Variants in FRMD3 observed in about 807,000 individuals in gnomAD.
The protein encoded by FRMD3 is FERM domain containing 3, also known as FERM domain-containing protein 3.
FRMD3 carries 33 observed loss-of-function variants against 70.2 expected under a neutral mutation model. The observed-to-expected ratio is 0.47, with a 90% CI of 0.36 to 0.63. FRMD3 has a LOEUF of 0.63. Ranked by LOEUF, FRMD3 falls within the 20% of genes least tolerant of loss-of-function variation. The pLI is 0.00. For synonymous variants in FRMD3, 279 were observed against 255.9 expected (o/e 1.09, Z -0.86); for missense variants, 632 against 711.4 (o/e 0.89, Z 1.27).
intron 12 of FRMD3, among the ~76,000 whole-genome samples, chr9:83,294,444 T>G (rs542157874): frequency 5.9e-5 from 9 of 152,196 alleles, no homozygotes; most frequent in Non-Finnish European, 1.2e-4. Context: ...CTCTTTAAAC[T>G]TTTTAAAGGT....
chr9:83,413,093 C>T (rs1047075191), intron 1 of FRMD3, among the ~76,000 whole-genome samples: 1 of 152,104 alleles, frequency 6.6e-6, no homozygotes, highest in African/African-American at 2.4e-5. Flanking sequence ...GGAAGATATT[C>T]TTCACTATTT....
intron 1 of FRMD3, among the ~76,000 whole-genome samples, chr9:83,487,064 G>T (rs1205778497): frequency 2.0e-5 from 3 of 152,174 alleles, no homozygotes; most frequent in South Asian, 4.1e-4. Flanking sequence ...ATGGCAAATA[G>T]CATTATTTCC....
intron 10 of FRMD3, among the ~76,000 whole-genome samples, chr9:83,308,472 A>C (rs1347121029): frequency 6.6e-6 from 1 of 152,094 alleles, no homozygotes; most frequent in Non-Finnish European, 1.5e-5. Context: ...AGATGAGTCT[A>C]ATCAGGAAGA....
At chr9:83,523,236 A>G (rs956516336) in intron 1 of FRMD3, among the ~76,000 whole-genome samples, 4 of 152,026 alleles carry the variant, frequency 2.6e-5, no homozygotes, top group Non-Finnish European at 4.4e-5. Context: ...GAGTGGATGG[A>G]AGAGTGGATG....
intron 1 of FRMD3, among the ~76,000 whole-genome samples, chr9:83,443,296 C>A (rs559460233): frequency 1.3e-5 from 2 of 152,302 alleles, no homozygotes; most frequent in South Asian, 2.1e-4. Context: ...CCCTACGCCC[C>A]CACTCCACAA....
At chr9:83,403,488 T>C (rs146799359) in intron 1 of FRMD3, among the ~76,000 whole-genome samples, 1,619 of 152,180 alleles carry the variant, frequency 0.011, 31 homozygotes, top group African/African-American at 0.036. Context: ...CTTGCCTAGG[T>C]AGGATCCTGA....
intron 1 of FRMD3, among the ~76,000 whole-genome samples, chr9:83,452,974 C>A (rs764250270): frequency 3.3e-5 from 5 of 151,294 alleles, no homozygotes; most frequent in Admixed American, 2.0e-4. Flanking sequence ...CTTGCCTCAG[C>A]CTCTTGAGTA....
chr9:83,547,237 T>C, the FRMD3 span, among the ~76,000 whole-genome samples: 4 of 148,824 alleles, frequency 2.7e-5, no homozygotes, highest in Admixed American at 6.7e-5. Context: ...TAGTTATATA[T>C]AATGATCATA....
intron 13 of FRMD3, among the ~76,000 whole-genome samples, chr9:83,284,337 C>T (rs746038235): frequency 5.9e-5 from 9 of 152,048 alleles, no homozygotes; most frequent in Non-Finnish European, 1.0e-4. Flanking sequence ...AGCCCAGGCA[C>T]GGTGGTTCAC....
intron 10 of FRMD3, among the ~76,000 whole-genome samples, chr9:83,304,089 A>G (rs1299589994): frequency 6.6e-6 from 1 of 152,212 alleles, no homozygotes; most frequent in Non-Finnish European, 1.5e-5. Flanking sequence ...CTATGGCTGA[A>G]TGATATACCA....
At chr9:83,346,547 G>C (rs2131174928) in intron 4 of FRMD3, among the ~76,000 whole-genome samples, 1 of 152,318 alleles carries the variant, frequency 6.6e-6, no homozygotes, top group Non-Finnish European at 1.5e-5. Context: ...TGGGAGAAAA[G>C]AGAATACTGG....
chr9:83,298,062 G>A (rs1250942522), intron 12 of FRMD3, among the ~76,000 whole-genome samples: 1 of 152,094 alleles, frequency 6.6e-6, no homozygotes, highest in Non-Finnish European at 1.5e-5. Flanking sequence ...AGAAAGGGCA[G>A]GTGCAAACCA....
chr9:83,390,133 A>C (rs1360724370), intron 1 of FRMD3, among the ~76,000 whole-genome samples: 12 of 152,194 alleles, frequency 7.9e-5, no homozygotes, highest in African/African-American at 2.9e-4. Flanking sequence ...CAGTTCTCAC[A>C]ATGATCCTAC....
intron 1 of FRMD3, among the ~76,000 whole-genome samples, chr9:83,486,398 T>C (rs1320904516): frequency 1.3e-5 from 2 of 152,158 alleles, no homozygotes; most frequent in African/African-American, 4.8e-5. Context: ...TTCCCAGAGA[T>C]GGCACTCTAG....
At chr9:83,442,695 A>C (rs1827338661) in intron 1 of FRMD3, among the ~76,000 whole-genome samples, 1 of 150,398 alleles carries the variant, frequency 6.6e-6, no homozygotes, top group South Asian at 2.1e-4. Flanking sequence ...ACCCCAGACC[A>C]CCTCTTGGGG....
chr9:83,264,288 G>A (rs967420779), intron 13 of FRMD3, among the ~76,000 whole-genome samples: 3 of 152,186 alleles, frequency 2.0e-5, no homozygotes, highest in African/African-American at 7.2e-5. Flanking sequence ...AAAAAGACCA[G>A]TGGTTGCCAG....
chr9:83,355,235 T>G (rs540730330), intron 3 of FRMD3, among the ~76,000 whole-genome samples: 2 of 152,326 alleles, frequency 1.3e-5, no homozygotes, highest in African/African-American at 4.8e-5. Flanking sequence ...TAAAGAAAGA[T>G]CCTTCTCTGT....
intron 1 of FRMD3, among the ~76,000 whole-genome samples, chr9:83,439,571 C>T (rs1329494450): frequency 6.6e-6 from 1 of 152,244 alleles, no homozygotes; most frequent in Non-Finnish European, 1.5e-5. Flanking sequence ...AGCAGCAGCA[C>T]ATTGCTGAGT....
the FRMD3 span, among the ~76,000 whole-genome samples, chr9:83,575,398 G>A: frequency 6.6e-6 from 1 of 152,106 alleles, no homozygotes; most frequent in Non-Finnish European, 1.5e-5. Context: ...TGTCAAATGT[G>A]GCTTCTGAGA....
Sources: gnomAD v4.1 joint callset for allele counts (sites outside exome capture counted in the v4.1 genomes callset) on GRCh38, gnomAD v4.1.1 for gene constraint, MANE v1.5 for transcripts, NCBI Gene and HGNC (gene_info 2026-07-23, HGNC 2026-07-21) for gene names.